The following CCSER1 variants were observed in gnomAD, a reference collection of about 807,000 sequenced individuals.
The protein encoded by CCSER1 is coiled-coil serine rich protein 1, also known as serine-rich coiled-coil domain-containing protein 1.
In CCSER1, 41 loss-of-function variants were observed where a neutral mutation model predicts 82.0. The ratio of observed to expected loss-of-function variants is 0.50; its 90% CI spans 0.39 to 0.65. The LOEUF (loss-of-function observed/expected upper bound fraction) is 0.65, where lower values mean the gene tolerates loss of function less well. Among genes scored for constraint, CCSER1 ranks in the 30% least tolerant of loss-of-function variants. The pLI is 0.00. For synonymous variants in CCSER1, 414 were observed against 383.9 expected (o/e 1.08, Z -0.92); for missense variants, 1,119 against 1,064.2 (o/e 1.05, Z -0.72).
chr4:91,214,323 G>T (rs1393555798), intron 10 of CCSER1, among the ~76,000 whole-genome samples: 1 of 152,038 alleles, frequency 6.6e-6, no homozygotes, highest in Admixed American at 6.6e-5. Flanking sequence ...TTTTGTAATA[G>T]GTTACTTTTT....
chr4:91,558,828 G>GAGAT (rs975284401), intron 10 of CCSER1, among the ~76,000 whole-genome samples: 4 of 151,548 alleles, frequency 2.6e-5, no homozygotes, highest in African/African-American at 9.7e-5. Flanking sequence ...AGAATTCTGG[G>GAGAT]AGATACAATT....
chr4:90,284,369 T>C (rs905478808), intron 1 of CCSER1, among the ~76,000 whole-genome samples: 8 of 152,166 alleles, frequency 5.3e-5, no homozygotes, highest in Admixed American at 2.6e-4. Context: ...TATTTGCCAG[T>C]GCTTTTGTGA....
At chr4:91,071,237 A>G (rs992276235) in intron 9 of CCSER1, among the ~76,000 whole-genome samples, 1 of 152,232 alleles carries the variant, frequency 6.6e-6, no homozygotes, top group Admixed American at 6.5e-5. Context: ...TCTTTGAGGT[A>G]CTTTTATTCT....
At chr4:90,808,861 T>C (rs1480988257) in intron 7 of CCSER1, among the ~76,000 whole-genome samples, 1 of 152,170 alleles carries the variant, frequency 6.6e-6, no homozygotes, top group Non-Finnish European at 1.5e-5. Context: ...AGTACCTCTA[T>C]TATTAAATTC....
chr4:90,949,191 TATTA>T (rs1732616000), intron 9 of CCSER1, among the ~76,000 whole-genome samples: 2 of 152,092 alleles, frequency 1.3e-5, no homozygotes, highest in South Asian at 4.1e-4. Flanking sequence ...TGCTTCCTTT[TATTA>T]ATTTTTGTAT....
chr4:90,137,425 A>G (rs1357497004), intron 1 of CCSER1, among the ~76,000 whole-genome samples: 2 of 152,122 alleles, frequency 1.3e-5, no homozygotes, highest in Admixed American at 6.5e-5. Context: ...GGGACAATAT[A>G]GTATGAATTC....
At chr4:90,411,912 A>C (rs2153555116) in intron 4 of CCSER1, among the ~76,000 whole-genome samples, 1 of 152,286 alleles carries the variant, frequency 6.6e-6, no homozygotes, top group Non-Finnish European at 1.5e-5. Flanking sequence ...CTGATAAGCA[A>C]CTTCAGCAAA....
At chr4:91,021,385 A>G (rs959881003) in intron 9 of CCSER1, among the ~76,000 whole-genome samples, 30 of 152,198 alleles carry the variant, frequency 2.0e-4, no homozygotes, top group African/African-American at 6.3e-4. Flanking sequence ...AAAAATACAG[A>G]CACTGACTTT....
chr4:90,414,673 G>T lies in CCSER1; in HGVS notation c.1603+14544G>T, dbSNP rs371866391. On this transcript the variant is annotated intron_variant, in intron 4 of 10. Transcript: ENST00000509176. The stretch of plus-strand genomic sequence containing the variant: ...ATGCAATATGTTAGCAGCGAGGTTC[G>T]TTAGATAAACCTCAGCATATTTTTT... 1.8e-4 allele frequency among the ~76,000 whole-genome samples: 27 copies of T among 152,082 alleles called. No individual in the cohort carries two copies. In the East Asian group the frequency reaches 2.9e-3, roughly 16 times the overall value.
intron 10 of CCSER1, among the ~76,000 whole-genome samples, chr4:91,093,288 C>G (rs936639480): frequency 2.6e-5 from 4 of 152,324 alleles, no homozygotes; most frequent in African/African-American, 9.6e-5. Context: ...CATGACTGGT[C>G]TCGAAGATCG....
chr4:90,256,715 A>G (rs1723352354), intron 1 of CCSER1, among the ~76,000 whole-genome samples: 1 of 152,168 alleles, frequency 6.6e-6, no homozygotes, highest in Admixed American at 6.6e-5. Flanking sequence ...GGATTGACAA[A>G]TGAAAAGTGG....
At chr4:90,239,279 A>G (rs556622897) in intron 1 of CCSER1, among the ~76,000 whole-genome samples, 2 of 152,342 alleles carry the variant, frequency 1.3e-5, no homozygotes, top group South Asian at 2.1e-4. Flanking sequence ...AACAACACCA[A>G]TTTTGAAGGC....
At chr4:90,693,255 C>G (rs2149244227) in intron 6 of CCSER1, 1 of 151,996 alleles carries the variant, frequency 6.6e-6, no homozygotes, top group Non-Finnish European at 1.5e-5. Context: ...GATAGAAACT[C>G]TAAAACTTTA....
At chr4:90,324,681 C>G in intron 3 of CCSER1, among the ~76,000 whole-genome samples, 1 of 151,762 alleles carries the variant, frequency 6.6e-6, no homozygotes, top group Admixed American at 6.6e-5. Flanking sequence ...TTAATTAGAT[C>G]CCATTTGTCA....
chr4:90,440,370 G>C (rs1578475553), intron 4 of CCSER1, among the ~76,000 whole-genome samples: 1 of 152,168 alleles, frequency 6.6e-6, no homozygotes, highest in Non-Finnish European at 1.5e-5. Flanking sequence ...AAAAGACAAA[G>C]AGAGACTCTC....
intron 10 of CCSER1, among the ~76,000 whole-genome samples, chr4:91,434,424 T>TA (rs1386586457): frequency 3.9e-5 from 6 of 152,134 alleles, no homozygotes; most frequent in Admixed American, 6.5e-5. Flanking sequence ...GTTGTTTTTT[T>TA]AAAAAACAGA....
intron 9 of CCSER1, among the ~76,000 whole-genome samples, chr4:90,982,223 A>G (rs1054144033): frequency 6.6e-6 from 1 of 151,726 alleles, no homozygotes; most frequent in Non-Finnish European, 1.5e-5. Context: ...GCAGATGGCT[A>G]CCTTCTTGCT....
intron 8 of CCSER1, among the ~76,000 whole-genome samples, chr4:90,851,597 T>G (rs961493518): frequency 1.3e-5 from 2 of 149,418 alleles, no homozygotes; most frequent in Non-Finnish European, 3.0e-5. Flanking sequence ...TTTTTCCTGA[T>G]CCGACCTTTA....
chr4:90,915,543 C>T (rs1484875419), intron 8 of CCSER1, among the ~76,000 whole-genome samples: 1 of 152,156 alleles, frequency 6.6e-6, no homozygotes, highest in African/African-American at 2.4e-5. Context: ...CTATGACAAA[C>T]TCACAGCCAA....
Sources: gnomAD v4.1 joint callset for allele counts (sites outside exome capture counted in the v4.1 genomes callset) on GRCh38, gnomAD v4.1.1 for gene constraint, MANE v1.5 for transcripts, NCBI Gene and HGNC (gene_info 2026-07-23, HGNC 2026-07-21) for gene names.